CACNB1: variants seen among roughly 807,000 people sequenced by gnomAD.
CACNB1 encodes the protein voltage-dependent L-type calcium channel subunit beta-1.
In CACNB1, 29 loss-of-function variants were observed where a neutral mutation model predicts 71.6. That is an observed-to-expected ratio of 0.40 (90% CI 0.30 to 0.55). The LOEUF (loss-of-function observed/expected upper bound fraction) is 0.55. CACNB1 is among the 20% of genes least tolerant of loss of function. The probability of loss-of-function intolerance (pLI) is 0.38; values close to 1 mark genes in which losing one functional copy is unlikely to be tolerated. For synonymous variants in CACNB1, 300 were observed against 319.6 expected, an observed-to-expected ratio of 0.94 and a Z score of 0.65; for missense variants, 623 against 801.8, an observed-to-expected ratio of 0.78 and a Z score of 2.69.
At chr17:39,177,573 T>A (rs1053269839) in intron 12 of CACNB1, 38 bp from the exon 13 acceptor site, 7 of 1,532,052 alleles carry the variant, frequency 4.6e-6, no homozygotes, top group Non-Finnish European at 6.2e-6. Flanking sequence ...CTGGGATGAG[T>A]GGGGCATGGC....
chr17:39,180,187 G>A (rs1298653126), intron 11 of CACNB1, among the ~76,000 whole-genome samples: 1 of 151,752 alleles, frequency 6.6e-6, no homozygotes, highest in Non-Finnish European at 1.5e-5. Context: ...GCTTGAACTA[G>A]GGAGGCAGAG....
intron 6 of CACNB1, among the ~76,000 whole-genome samples, chr17:39,185,560 C>CCG (rs1222382570): frequency 1.3e-5 from 2 of 152,070 alleles, no homozygotes; most frequent in East Asian, 3.9e-4. Context: ...CCAGCAGCCC[C>CCG]CCCCCACTAT....
At chr17:39,193,309 T>C (rs1196335765) in intron 2 of CACNB1, 2 of 329,002 alleles carry the variant, frequency 6.1e-6, no homozygotes, top group Non-Finnish European at 6.1e-6. Flanking sequence ...TGTACGCGCA[T>C]ACACACGCAC....
Position 39,186,801 on chromosome 17 carries a change from G to A in CACNB1, c.543C>T (p.Leu181=), listed in dbSNP as rs760550257. ...LQEQKLRQNR[L]GSSKSGDNSS... ...CTGCCCCACCCAGACACCTGGAGCC[G>A]AGGCGGTTCTGGCGCAGCTTCTGTT... The change falls in exon 5 of 14, where the codon CTC becomes CTT. Residue 181 remains leucine, a synonymous_variant. Coordinates refer to ENST00000394303, the MANE Select transcript of CACNB1 (RefSeq NM_000723.5). This position sits in a 1 kb window ranked among gnomAD's most constrained non-coding sequence, Gnocchi z 4.1. 1.1e-5 allele frequency: 17 copies of A among 1,613,770 alleles called. No homozygotes were observed. Among genetic ancestry groups the A allele is most frequent in the Admixed American group, 8.3e-5 (5 of 59,992 alleles).
rs2045522830 is a variant in CACNB1, at chr17:39,174,197, A to T, written c.*996T>A. On this transcript the variant is annotated 3_prime_UTR_variant, in exon 14 of 14. Coordinates refer to ENST00000394303, the MANE Select transcript of CACNB1 (RefSeq NM_000723.5). ...CCTGGGGGAAGTGAACATGGGTAAC[A>T]AACAGAATCACGAGAGGCAAATACA... is the stretch of plus-strand genomic sequence containing the variant. The T allele has an allele frequency of 6.5e-6, 1 of 153,232 alleles. No homozygotes were observed. The highest frequency in any genetic ancestry group is 2.4e-5 in the African/African-American group (1 of 41,410). The allele number at this position is 153,232 out of a possible 1,614,324, so 9.5% of individuals were successfully genotyped here. A position where few individuals can be genotyped will look rare whatever the true frequency, so the allele number is the denominator to read the frequency against.
At chr17:39,193,252 A>G in intron 2 of CACNB1, 1 of 300,972 alleles carries the variant, frequency 3.3e-6, no homozygotes, top group South Asian at 2.5e-5. Flanking sequence ...GTGCACACAG[A>G]CACACATGTA....
rs1405786420 is a variant in CACNB1, at chr17:39,183,703, C to T, written c.1050+10G>A. On this transcript the variant is annotated intron_variant, in intron 11 of 13. Transcript: ENST00000394303. ...CGCTGTCCTGGCCAGGGTCAGGCTC[C>T]TGCACCCACCTTGGGAGAGGTGATC... is the stretch of plus-strand genomic sequence containing the variant. 1 of 1,584,812 alleles carries T rather than the reference C, an allele frequency of 6.3e-7. No individual in the cohort carries two copies. The highest frequency in any genetic ancestry group is 8.6e-7 in the Non-Finnish European group (1 of 1,164,148).
chr17:39,189,245 C>T, intron 3 of CACNB1, among the ~76,000 whole-genome samples: 1 of 151,352 alleles, frequency 6.6e-6, no homozygotes, highest in Non-Finnish European at 1.5e-5. Flanking sequence ...CACCTGTAAT[C>T]CCAGCTACTC....
chr17:39,183,368 G>GAAGAAGAAGAAGAAGAAGAAGAAGAAGAA (rs1433401577), intron 11 of CACNB1, among the ~76,000 whole-genome samples: 18 of 143,854 alleles, frequency 1.3e-4, no homozygotes, highest in South Asian at 2.1e-4. Context: ...GAAGAAGAAA[G>GAAGAAGAAGAAGAAGAAGAAGAAGAAGAA]GAAAGACCTC....
chr17:39,188,239 C>T (rs184074488), intron 3 of CACNB1, among the ~76,000 whole-genome samples: 148 of 151,610 alleles, frequency 9.8e-4, no homozygotes, highest in African/African-American at 3.0e-3. Flanking sequence ...GCCAAGATGG[C>T]ACCACTGCAC....
intron 11 of CACNB1, among the ~76,000 whole-genome samples, chr17:39,183,337 A>AAAAAAAAGAAGAAGAAGAAAGAAG (rs1555581642): frequency 1.5e-5 from 2 of 130,186 alleles, no homozygotes; most frequent in Non-Finnish European, 3.7e-5. Context: ...GACTTAAAAA[A>AAAAAAAAGAAGAAGAAGAAAGAAG]AAGAAGAAGA....
chr17:39,179,197 G>GC (rs2045676488), intron 11 of CACNB1, among the ~76,000 whole-genome samples: 1 of 150,462 alleles, frequency 6.6e-6, no homozygotes, highest in South Asian at 2.1e-4. Context: ...GGAGGCTGGG[G>GC]CAGAAGAATG....
chr17:39,190,725 G>A (rs1270312123), intron 3 of CACNB1, among the ~76,000 whole-genome samples: 1 of 151,700 alleles, frequency 6.6e-6, no homozygotes, highest in Non-Finnish European at 1.5e-5. Context: ...ACAGCACCTG[G>A]CCTAAAATTA....
At chr17:39,196,905 C>T (rs554767201) in intron 1 of CACNB1, among the ~76,000 whole-genome samples, 1 of 152,214 alleles carries the variant, frequency 6.6e-6, no homozygotes, top group South Asian at 2.1e-4. Context: ...TTTCCCCACC[C>T]TCGAGAACCA....
At position 39,184,868 on chromosome 17, in the gene CACNB1, G is replaced by C. The variant is rs181552596; in HGVS notation, c.649-4C>G. 1.6e-4 allele frequency: 243 copies of C among 1,556,534 alleles called. 1 individual carries two copies. In the East Asian group the frequency reaches 2.7e-3, roughly 17 times the overall value. On this transcript the variant is annotated splice_polypyrimidine_tract_variant and splice_region_variant and intron_variant, in intron 7 of 13. Coordinates refer to ENST00000394303, the MANE Select transcript of CACNB1 (RefSeq NM_000723.5). ...CATAGGGGGGCACATGCTCTGTCTG[G>C]GGGGGGAAGCAGGGAGGGGAAACCC...
chr17:39,177,146 C>T, intron 13 of CACNB1: 1 of 1,429,976 alleles, frequency 7.0e-7, no homozygotes, highest in Non-Finnish European at 9.1e-7. Context: ...TGCCGCTCAT[C>T]TTATTTTTTT....
At chr17:39,183,685 C>A in intron 11 of CACNB1, 28 bp downstream of exon 11, 2 of 1,547,726 alleles carry the variant, frequency 1.3e-6, no homozygotes, top group Non-Finnish European at 1.8e-6. Flanking sequence ...CCACGCTGTC[C>A]TGGCCAGGGT....
rs1236702646 is a variant in CACNB1, at chr17:39,175,304, G to C, written c.1686C>G (p.Asn562Lys). 1 of 1,614,064 alleles carries C rather than the reference G, an allele frequency of 6.2e-7. No individual in the cohort carries two copies. Among genetic ancestry groups the C allele is most frequent in the African/African-American group, 1.3e-5 (1 of 74,932 alleles). ...EEDYEEELTD[N>K]RNRGRNKARY... ...GGGCCTTATTCCGGCCCCGGTTCCGGTTGTCGGTCAGCTCTTCCTCATAGT... is the reference window on the plus strand; with the variant it reads ...GGGCCTTATTCCGGCCCCGGTTCCGCTTGTCGGTCAGCTCTTCCTCATAGT... The change falls in exon 14 of 14, where the codon AAC becomes AAG. Residue 562 changes from asparagine (N) to lysine (K), a missense_variant. Physicochemically the swap from Asn to Lys is moderately conservative, Grantham distance 94 (BLOSUM62 0). Transcript: ENST00000394303. This position sits in a 1 kb window ranked among gnomAD's most constrained non-coding sequence, Gnocchi z 4.7.
At chr17:39,181,651 T>G (rs572333087) in intron 11 of CACNB1, among the ~76,000 whole-genome samples, 30 of 152,302 alleles carry the variant, frequency 2.0e-4, no homozygotes, top group East Asian at 9.7e-4. Context: ...TCTCATTTGG[T>G]CCTTTCAACT....
Sources: allele counts gnomAD v4.1 joint callset (sites outside exome capture counted in the v4.1 genomes callset), GRCh38; gene constraint gnomAD v4.1.1; non-coding constraint Gnocchi (gnomAD v3.1); transcripts MANE v1.5; gene names NCBI Gene and HGNC (gene_info 2026-07-23, HGNC 2026-07-21).